Variants in CDK19 observed in about 807,000 individuals in gnomAD.
The protein encoded by CDK19 is cyclin dependent kinase 19.
CDK19 carries 20 observed loss-of-function variants against 68.3 expected under a neutral mutation model. The observed-to-expected ratio is 0.29, with a 90% confidence interval of 0.21 to 0.43. The LOEUF (loss-of-function observed/expected upper bound fraction) is 0.43. Ranked by LOEUF, CDK19 falls within the 20% of genes least tolerant of loss-of-function variation. The pLI, the probability that CDK19 is intolerant of heterozygous loss-of-function variation, is 1.00. For missense variants in CDK19, 339 were observed against 623.5 expected (o/e 0.54, Z 4.86); for synonymous variants, 221 against 222.8 (o/e 0.99, Z 0.07).
chr6:110,797,335 G>A (rs146358944), intron 1 of CDK19, among the ~76,000 whole-genome samples: 12 of 150,964 alleles, frequency 7.9e-5, no homozygotes, highest in African/African-American at 2.0e-4. Context: ...GGGAGACTTC[G>A]TCTCAAAAAA....
chr6:110,783,210 G>A (rs1429124449), intron 1 of CDK19, among the ~76,000 whole-genome samples: 6 of 152,182 alleles, frequency 3.9e-5, no homozygotes, highest in Admixed American at 1.3e-4. Flanking sequence ...GTAGGGGCAG[G>A]AACAGCAGAC....
intron 1 of CDK19, among the ~76,000 whole-genome samples, chr6:110,750,332 A>G (rs973405573): frequency 2.8e-5 from 3 of 108,856 alleles, no homozygotes; most frequent in Non-Finnish European, 6.2e-5. Flanking sequence ...TCAGTGATGA[A>G]GAAACTAGGC....
At chr6:110,785,171 T>C (rs1216068160) in intron 1 of CDK19, among the ~76,000 whole-genome samples, 1 of 151,942 alleles carries the variant, frequency 6.6e-6, no homozygotes, top group African/African-American at 2.4e-5. Context: ...TCCTAGAATG[T>C]TTATAGAAAA....
At chr6:110,625,392 C>G (rs1235465209) in intron 8 of CDK19, among the ~76,000 whole-genome samples, 1 of 151,946 alleles carries the variant, frequency 6.6e-6, no homozygotes, top group Non-Finnish European at 1.5e-5. Context: ...AACTCCTGGG[C>G]TCAAGAGATC....
intron 2 of CDK19, among the ~76,000 whole-genome samples, chr6:110,736,202 G>A (rs531271051): frequency 7.9e-5 from 12 of 152,260 alleles, no homozygotes; most frequent in Admixed American, 4.6e-4. Context: ...TTAGCTGGGC[G>A]TGCTGGCGCA....
At chr6:110,744,011 G>GC (rs1777878999) in intron 2 of CDK19, among the ~76,000 whole-genome samples, 1 of 113,358 alleles carries the variant, frequency 8.8e-6, no homozygotes, top group East Asian at 2.8e-4. Flanking sequence ...ACCTCCCCAC[G>GC]TTTTTTTTTT....
chr6:110,714,765 A>T, intron 2 of CDK19, among the ~76,000 whole-genome samples: 1 of 129,490 alleles, frequency 7.7e-6, no homozygotes, highest in South Asian at 2.3e-4. Flanking sequence ...ATGGAGTCTC[A>T]CTCTGTCGCC....
chr6:110,732,804 C>A lies in CDK19; in HGVS notation c.204+13322G>T, dbSNP rs143423660. Among the ~76,000 whole-genome samples the A allele has an allele frequency of 9.9e-3, 1,502 of 152,202 alleles. 7 individuals are homozygous for A. Among genetic ancestry groups the A allele is most frequent in the Middle Eastern group, 0.017 (5 of 294 alleles). On this transcript the variant is annotated intron_variant, in intron 2 of 12. Coordinates refer to ENST00000368911, the MANE Select transcript of CDK19 (RefSeq NM_015076.5). ...TTTTGTCCAGGAAGGGTGGCTCACA[C>A]CTGTAATCCCAGCACTTTGTGGAGG...
chr6:110,616,978 T>C (rs900575007), intron 12 of CDK19, among the ~76,000 whole-genome samples: 1 of 152,126 alleles, frequency 6.6e-6, no homozygotes, highest in Non-Finnish European at 1.5e-5. Context: ...TACAATACAT[T>C]GATGAAGCAG....
intron 1 of CDK19, among the ~76,000 whole-genome samples, chr6:110,752,686 A>G (rs1260766741): frequency 2.0e-5 from 3 of 152,202 alleles, no homozygotes; most frequent in Admixed American, 2.0e-4. Flanking sequence ...CAACAGTTTG[A>G]TTATGTCTTT....
At chr6:110,630,393 C>T (rs1044369127) in intron 6 of CDK19, among the ~76,000 whole-genome samples, 1 of 152,226 alleles carries the variant, frequency 6.6e-6, no homozygotes, top group African/African-American at 2.4e-5. Context: ...ACACTCTTCC[C>T]TTCCCTGGCT....
intron 8 of CDK19, among the ~76,000 whole-genome samples, chr6:110,626,097 G>A (rs1178429826): frequency 6.6e-6 from 1 of 152,162 alleles, no homozygotes; most frequent in Non-Finnish European, 1.5e-5. Context: ...TCAGTCACCA[G>A]TCATTACTCA....
At chr6:110,655,701 G>A (rs1395682205) in intron 4 of CDK19, among the ~76,000 whole-genome samples, 1 of 151,896 alleles carries the variant, frequency 6.6e-6, no homozygotes, top group Non-Finnish European at 1.5e-5. Flanking sequence ...CTCTCAATTT[G>A]GATCACCTCT....
At chr6:110,659,733 A>G (rs1781504993) in intron 4 of CDK19, among the ~76,000 whole-genome samples, 2 of 152,176 alleles carry the variant, frequency 1.3e-5, no homozygotes, top group South Asian at 4.1e-4. Context: ...GAAGAAGAGA[A>G]GGGGAGAGGA....
intron 2 of CDK19, among the ~76,000 whole-genome samples, chr6:110,730,818 A>G (rs953314433): frequency 3.9e-5 from 6 of 152,128 alleles, no homozygotes; most frequent in South Asian, 4.1e-4. Flanking sequence ...TTGGGAGGCC[A>G]AGGCAGGCCT....
At chr6:110,788,787 G>A (rs1781408551) in intron 1 of CDK19, among the ~76,000 whole-genome samples, 2 of 151,854 alleles carry the variant, frequency 1.3e-5, no homozygotes. Context: ...CATTTATCTT[G>A]AAATGGTGAG....
At chr6:110,777,304 T>C (rs919232164) in intron 1 of CDK19, among the ~76,000 whole-genome samples, 5 of 152,088 alleles carry the variant, frequency 3.3e-5, no homozygotes, top group Non-Finnish European at 7.4e-5. Context: ...GAATAACAAA[T>C]AATATTGGTG....
chr6:110,643,329 G>C (rs766952827), intron 4 of CDK19: 21 of 509,310 alleles, frequency 4.1e-5, no homozygotes, highest in Non-Finnish European at 6.1e-5. Flanking sequence ...GAAAGTAAAA[G>C]GCAAACTGCC....
chr6:110,623,441 G>C lies in CDK19; in HGVS notation c.861-79C>G. Reference sequence around the variant, plus strand: ...TTCTTAATGATAAGCTCCAGGATTGGCTTTCCTATAAGGTATGTGTTTAAG... The same window carrying C: ...TTCTTAATGATAAGCTCCAGGATTGCCTTTCCTATAAGGTATGTGTTTAAG... On this transcript the variant is annotated intron_variant, in intron 8 of 12. Coordinates refer to ENST00000368911, the MANE Select transcript of CDK19 (RefSeq NM_015076.5). 9.6e-6 allele frequency: 15 copies of C among 1,558,934 alleles called. No homozygotes were observed. In the South Asian group the frequency reaches 1.8e-4, roughly 19 times the overall value.
Sources: allele counts gnomAD v4.1 joint callset (sites outside exome capture counted in the v4.1 genomes callset), GRCh38; gene constraint gnomAD v4.1.1; transcripts MANE v1.5; gene names NCBI Gene and HGNC (gene_info 2026-07-23, HGNC 2026-07-21).